APOC3: variants seen among roughly 807,000 people sequenced by gnomAD.
APOC3 encodes the protein apolipoprotein C3, also known as apolipoprotein C-III.
APOC3 carries 6 observed loss-of-function variants against 7.3 expected under a neutral mutation model. The observed-to-expected ratio is 0.82, with a 90% CI of 0.45 to 1.61. The LOEUF (loss-of-function observed/expected upper bound fraction) is 1.61, where lower values mean the gene tolerates loss of function less well. APOC3 is among the 40% of genes most tolerant of loss of function. APOC3 has a pLI of 0.01. For synonymous variants in APOC3, 45 were observed against 51.2 expected (o/e 0.88, Z 0.52); for missense variants, 123 against 124.9 (o/e 0.98, Z 0.07).
intron 3 of APOC3, among the ~76,000 whole-genome samples, chr11:116,831,282 TCC>T (rs1565336580): frequency 3.9e-5 from 1 of 25,744 alleles, no homozygotes; most frequent in Non-Finnish European, 1.1e-4. Context: ...TTTCTTTCTT[TCC>T]TTTCTTTCTT....
At chr11:116,831,197 CTTTCTTTCTTT>C (rs1941447015) in intron 3 of APOC3, 1 of 41,956 alleles carries the variant, frequency 2.4e-5, no homozygotes, top group South Asian at 9.5e-4. Context: ...CTATTTCTTT[CTTTCTTTCTTT>C]CTTTCTTTCT....
chr11:116,832,559 TG>T (rs1941473738), intron 3 of APOC3, among the ~76,000 whole-genome samples: 1 of 152,244 alleles, frequency 6.6e-6, no homozygotes, highest in Admixed American at 6.5e-5. Flanking sequence ...TGACTTGTGC[TG>T]GGGTTCCTGC....
chr11:116,830,352 G>C (rs1006098606), intron 1 of APOC3: 2 of 613,562 alleles, frequency 3.3e-6, no homozygotes, highest in Admixed American at 5.4e-5. Flanking sequence ...TGTTCAGTCT[G>C]GTGGGTTTTC....
chr11:116,831,160 T>C (rs1251277600), intron 3 of APOC3: 1 of 368,476 alleles, frequency 2.7e-6, no homozygotes. Context: ...ATTTCCATTT[T>C]CCTTTCCTTT....
intron 3 of APOC3, 44 bp from the exon 4 acceptor site, chr11:116,832,717 AGAG>A (rs1272395669): frequency 6.2e-7 from 1 of 1,613,708 alleles, no homozygotes; most frequent in Non-Finnish European, 8.5e-7. Flanking sequence ...GGTTGCCTAC[AGAG>A]GAGTTCTCAT....
chr11:116,832,713 C>T (rs1394348078), intron 3 of APOC3, 51 bp from the exon 4 acceptor site: 1 of 1,613,654 alleles, frequency 6.2e-7, no homozygotes, highest in African/African-American at 1.3e-5. Context: ...CCATGGTTGC[C>T]TACAGAGGAG....
chr11:116,832,676 C>A, intron 3 of APOC3, 88 bp from the exon 4 acceptor site: 1 of 1,589,170 alleles, frequency 6.3e-7, no homozygotes, highest in Non-Finnish European at 8.6e-7. Flanking sequence ...TGACTGGTGT[C>A]GTCCAGTGGG....
At chr11:116,831,199 T>TTCTTTCTTTC (rs1941447232) in intron 3 of APOC3, 1 of 71,956 alleles carries the variant, frequency 1.4e-5, no homozygotes, top group African/African-American at 6.0e-5. Flanking sequence ...ATTTCTTTCT[T>TTCTTTCTTTC]TCTTTCTTTC....
intron 3 of APOC3, among the ~76,000 whole-genome samples, chr11:116,831,511 C>T (rs1438755030): frequency 2.0e-5 from 3 of 151,578 alleles, no homozygotes; most frequent in Admixed American, 6.6e-5. Context: ...ATTACAGGCA[C>T]GCGCCACCAC....
At chr11:116,831,783 G>A (rs1026514184) in intron 3 of APOC3, among the ~76,000 whole-genome samples, 3 of 152,306 alleles carry the variant, frequency 2.0e-5, no homozygotes, top group Admixed American at 6.5e-5. Context: ...TTGGGATGAA[G>A]CTGTTCCACC....
chr11:116,831,223 TTC>T (rs1491553622), intron 3 of APOC3: 3 of 192,866 alleles, frequency 1.6e-5, no homozygotes, highest in Admixed American at 6.9e-5. Flanking sequence ...CTTTCTTTCT[TTC>T]TTTCTTTCTT....
intron 3 of APOC3, chr11:116,831,196 TCTTTCTTTC>T: frequency 4.7e-5 from 2 of 42,560 alleles, no homozygotes; most frequent in Non-Finnish European, 6.7e-5. Flanking sequence ...TCTATTTCTT[TCTTTCTTTC>T]TTTCTTTCTT....
chr11:116,831,114 C>T (rs1412010552), intron 3 of APOC3: 2 of 636,222 alleles, frequency 3.1e-6, no homozygotes, highest in Non-Finnish European at 5.5e-6. Flanking sequence ...CTCCTTTCTC[C>T]CCGGAGCAGT....
chr11:116,830,396 A>G lies in APOC3; in HGVS notation c.-13-174A>G. The G allele has an allele frequency of 2.5e-5, 17 of 683,306 alleles. No homozygotes were observed. In the South Asian group the frequency reaches 3.0e-4, roughly 12 times the overall value. The allele number at this position is 683,306 out of a possible 1,614,324, so 42.3% of individuals were successfully genotyped here. Reference sequence around the variant, plus strand: ...CCCACCCACCTCCCTTTGGGCCTCGATCCCTCGCCCCTCACCAGTCCCCCT... The same window carrying G: ...CCCACCCACCTCCCTTTGGGCCTCGGTCCCTCGCCCCTCACCAGTCCCCCT... On this transcript the variant is annotated intron_variant, in intron 1 of 3. Coordinates refer to ENST00000227667, the MANE Select transcript of APOC3 (RefSeq NM_000040.3).
chr11:116,831,275 C>CT (rs1565336566), intron 3 of APOC3, among the ~76,000 whole-genome samples: 1 of 71,464 alleles, frequency 1.4e-5, no homozygotes, highest in East Asian at 3.1e-4. Context: ...TCTTTCCTTT[C>CT]TTTCTTTCCT....
At chr11:116,832,657 G>A (rs1235194140) in intron 3 of APOC3, 107 bp from the exon 4 acceptor site, 28 of 1,513,604 alleles carry the variant, frequency 1.8e-5, no homozygotes, top group Non-Finnish European at 2.5e-5. Context: ...TGAGAGGGTG[G>A]TGTGGTCCTG....
rs5128 is a variant in APOC3, at chr11:116,832,924, G to C, written c.*40G>C. The C allele has an allele frequency of 0.88, 1,422,027 of 1,612,872 alleles. 630,767 individuals are homozygous for C. Among genetic ancestry groups the C allele is most frequent in the Non-Finnish European group, 0.91 (1,076,463 of 1,179,848 alleles). On this transcript the variant is annotated 3_prime_UTR_variant, in exon 4 of 4. Coordinates refer to ENST00000227667, the MANE Select transcript of APOC3 (RefSeq NM_000040.3). ...AAGTCCACCTGCCTATCCATCCTGC[G>C]AGCTCCTTGGGTCCTGCAATCTCCA...
At position 116,832,892 on chromosome 11, in the gene APOC3, A is replaced by G. The variant is rs548741530; in HGVS notation, c.*8A>G. The G allele has an allele frequency of 2.5e-6, 4 of 1,613,652 alleles. No homozygotes were observed. In the African/African-American group the frequency reaches 4.0e-5, roughly 16 times the overall value. Reference sequence around the variant, plus strand: ...TCAGCCGTGGCTGCCTGAGACCTCAATACCCCAAGTCCACCTGCCTATCCA... The same window carrying G: ...TCAGCCGTGGCTGCCTGAGACCTCAGTACCCCAAGTCCACCTGCCTATCCA... On this transcript the variant is annotated 3_prime_UTR_variant, in exon 4 of 4. Transcript: ENST00000227667.
At chr11:116,831,127 T>A in intron 3 of APOC3, 1 of 577,990 alleles carries the variant, frequency 1.7e-6, no homozygotes, top group Non-Finnish European at 3.1e-6. Context: ...GGAGCAGTCC[T>A]AGGGCGTGCC....
Sources: allele counts gnomAD v4.1 joint callset (sites outside exome capture counted in the v4.1 genomes callset), GRCh38; gene constraint gnomAD v4.1.1; transcripts MANE v1.5; gene names NCBI Gene and HGNC (gene_info 2026-07-23, HGNC 2026-07-21).